The following RIMKLB variants were observed in gnomAD, a reference collection of about 807,000 sequenced individuals.
RIMKLB encodes the protein beta-citrylglutamate synthase B.
RIMKLB carries 7 observed loss-of-function variants against 32.0 expected under a neutral mutation model. The ratio of observed to expected loss-of-function variants is 0.22; its 90% confidence interval spans 0.12 to 0.41. The LOEUF (loss-of-function observed/expected upper bound fraction) is 0.41, where lower values mean the gene tolerates loss of function less well. RIMKLB is among the 10% of genes least tolerant of loss of function. The pLI is 1.00. For missense variants in RIMKLB, 289 were observed against 498.7 expected (o/e 0.58, Z 4.00); for synonymous variants, 172 against 185.1 (o/e 0.93, Z 0.57).
Position 8,776,779 on chromosome 12 carries a change from G to C in RIMKLB, c.*2995G>C, listed in dbSNP as rs755227234. 4 of 985,252 alleles carry C rather than the reference G, an allele frequency of 4.1e-6. No homozygotes were observed. The highest frequency in any genetic ancestry group is 4.8e-6 in the Non-Finnish European group (4 of 829,804). The allele number at this position is 985,252 out of a possible 1,614,324, so 61.0% of individuals were successfully genotyped here. A position where few individuals can be genotyped will look rare whatever the true frequency, so the allele number is the denominator to read the frequency against. On this transcript the variant is annotated 3_prime_UTR_variant, in exon 6 of 6. Transcript: ENST00000535829. ...TGTTACCAATAAGAAAACTACCCTG[G>C]AACAGTAGAAAAACCCAACAAGAGA...
At chr12:8,673,208 T>G in the RIMKLB span, among the ~76,000 whole-genome samples, 1 of 151,994 alleles carries the variant, frequency 6.6e-6, no homozygotes, top group East Asian at 1.9e-4. Flanking sequence ...TTTAGAGTAA[T>G]GCAAGAACAG....
chr12:8,683,938 G>C (rs1003345459), intron 1 of RIMKLB, among the ~76,000 whole-genome samples: 16 of 151,786 alleles, frequency 1.1e-4, no homozygotes, highest in African/African-American at 3.6e-4. Flanking sequence ...AGTAGAGGTG[G>C]AGTTTCACCA....
At chr12:8,749,754 C>A in intron 2 of RIMKLB, 108 bp from the exon 3 acceptor site, 1 of 710,760 alleles carries the variant, frequency 1.4e-6, no homozygotes, top group South Asian at 2.2e-5. Context: ...TTAATATTAA[C>A]AAAATAGTAC....
intron 2 of RIMKLB, among the ~76,000 whole-genome samples, chr12:8,719,722 A>G (rs1945249661): frequency 6.6e-6 from 1 of 152,198 alleles, no homozygotes; most frequent in Non-Finnish European, 1.5e-5. Flanking sequence ...CTACTTAGTA[A>G]TGTGGGAGAT....
downstream of RIMKLB, chr12:8,780,352 C>G (rs1326704218): frequency 1.3e-5 from 2 of 151,964 alleles, no homozygotes; most frequent in Admixed American, 6.5e-5. Flanking sequence ...CACTTTCTTT[C>G]TACTTTTTTT....
At chr12:8,762,890 T>C (rs887368094) in intron 5 of RIMKLB, among the ~76,000 whole-genome samples, 2 of 152,214 alleles carry the variant, frequency 1.3e-5, no homozygotes, top group African/African-American at 4.8e-5. Flanking sequence ...AAGGTCCCCT[T>C]AAGCGGCGTA....
At chr12:8,673,237 C>T in the RIMKLB span, among the ~76,000 whole-genome samples, 1 of 151,980 alleles carries the variant, frequency 6.6e-6, no homozygotes, top group African/African-American at 2.4e-5. Flanking sequence ...AGTGACAGAG[C>T]TATGCTGAGA....
chr12:8,692,585 C>A (rs1307489409), upstream of RIMKLB, among the ~76,000 whole-genome samples: 1 of 152,180 alleles, frequency 6.6e-6, no homozygotes, highest in East Asian at 1.9e-4. Flanking sequence ...ATGTTTCTTG[C>A]CAAGACTGTG....
chr12:8,726,850 C>G (rs1388084162), intron 2 of RIMKLB, among the ~76,000 whole-genome samples: 1 of 152,086 alleles, frequency 6.6e-6, no homozygotes, highest in African/African-American at 2.4e-5. Flanking sequence ...ATGTTTGTTA[C>G]TGTTTTCTCT....
At position 8,767,442 on chromosome 12, in the gene RIMKLB, G is replaced by A. The variant is rs11047145; in HGVS notation, c.698-5879G>A. 5.4e-3 allele frequency among the ~76,000 whole-genome samples: 817 copies of A among 151,984 alleles called. 5 individuals carry two copies. Among genetic ancestry groups the A allele is most frequent in the Middle Eastern group, 0.01 (3 of 294 alleles). On this transcript the variant is annotated intron_variant, in intron 5 of 5. Coordinates refer to ENST00000535829, the MANE Select transcript of RIMKLB (RefSeq NM_001297776.2). ...TTCCTTAGATCCCTTTGGAAATACA[G>A]CTTGCTAGAGGAAATGAAAGTCTGA...
At chr12:8,682,878 C>T (rs113145832) in intron 1 of RIMKLB, among the ~76,000 whole-genome samples, 4,580 of 150,416 alleles carry the variant, frequency 0.03, 232 homozygotes, top group African/African-American at 0.1. Context: ...TCAGGTGATC[C>T]GCCGGCCTCA....
chr12:8,757,581 ATC>A (rs1949160016), intron 5 of RIMKLB, among the ~76,000 whole-genome samples: 1 of 151,992 alleles, frequency 6.6e-6, no homozygotes, highest in Non-Finnish European at 1.5e-5. Context: ...CAATATAGTT[ATC>A]TGTTTACTCT....
intron 1 of RIMKLB, among the ~76,000 whole-genome samples, chr12:8,712,302 CTTGGGAGG>C (rs1944443308): frequency 6.6e-6 from 1 of 152,042 alleles, no homozygotes; most frequent in Non-Finnish European, 1.5e-5. Context: ...GCACATGCTA[CTTGGGAGG>C]CTGAGGCAGG....
rs1950573634 is a variant in RIMKLB, at chr12:8,773,724, A to G, written c.1101A>G (p.Pro367=). ...AGCGAGAGCTGCTCACCAAGCTCCCAGGGGGCCTGTTCAACATGAACCAGC... is the reference window on the plus strand; with the variant it reads ...AGCGAGAGCTGCTCACCAAGCTCCCGGGGGGCCTGTTCAACATGAACCAGC... ...STERELLTKL[P]GGLFNMNQLL... The change falls in exon 6 of 6, where the codon CCA becomes CCG. Residue 367 remains proline, a synonymous_variant. Transcript: ENST00000535829. The G allele has an allele frequency of 1.9e-6, 3 of 1,614,234 alleles. No individual in the cohort carries two copies. Among genetic ancestry groups the G allele is most frequent in the Non-Finnish European group, 2.5e-6 (3 of 1,180,036 alleles).
chr12:8,768,754 G>A (rs1442309941), intron 5 of RIMKLB, among the ~76,000 whole-genome samples: 1 of 152,080 alleles, frequency 6.6e-6, no homozygotes, highest in Non-Finnish European at 1.5e-5. Context: ...CCACTTCTGG[G>A]GGCGGTTTTG....
At chr12:8,676,382 C>CTTTT in the RIMKLB span, among the ~76,000 whole-genome samples, 145 of 37,350 alleles carry the variant, frequency 3.9e-3, 11 homozygotes, top group Middle Eastern at 0.029. Flanking sequence ...CCCCCAACAG[C>CTTTT]TTTTTTTTTT....
At chr12:8,691,351 G>C (rs1310320076) in intron 1 of RIMKLB, among the ~76,000 whole-genome samples, 1 of 151,952 alleles carries the variant, frequency 6.6e-6, no homozygotes, top group Admixed American at 6.6e-5. Context: ...GCTCACGACT[G>C]TAATCCCAGC....
At chr12:8,778,920 A>G (rs1950886969), downstream of RIMKLB, 4 of 152,234 alleles carry the variant, frequency 2.6e-5, no homozygotes, top group Admixed American at 2.0e-4. Flanking sequence ...AAGACATGTG[A>G]TAAGTGATTA....
At chr12:8,739,300 G>A (rs1565598874) in intron 2 of RIMKLB, among the ~76,000 whole-genome samples, 1 of 152,258 alleles carries the variant, frequency 6.6e-6, no homozygotes, top group South Asian at 2.1e-4. Flanking sequence ...GAGAGAGCAC[G>A]TGCACAAGAA....
Sources: allele counts gnomAD v4.1 joint callset (sites outside exome capture counted in the v4.1 genomes callset), GRCh38; gene constraint gnomAD v4.1.1; transcripts MANE v1.5; gene names NCBI Gene and HGNC (gene_info 2026-07-23, HGNC 2026-07-21).